KIF14: variants seen among roughly 807,000 people sequenced by gnomAD.
KIF14 encodes the protein kinesin-like protein KIF14.
In KIF14, 98 loss-of-function variants were observed where a neutral mutation model predicts 176.2. That is an observed-to-expected ratio of 0.56 (90% CI 0.47 to 0.66). KIF14 has a LOEUF of 0.66. Ranked by LOEUF, KIF14 falls within the 30% of genes least tolerant of loss-of-function variation. The probability of loss-of-function intolerance (pLI) is 0.00; values close to 1 mark genes in which losing one functional copy is unlikely to be tolerated. For synonymous variants in KIF14, 566 were observed against 632.2 expected, an observed-to-expected ratio of 0.90 and a Z score of 1.57; for missense variants, 1,751 against 1,920.4, an observed-to-expected ratio of 0.91 and a Z score of 1.65.
rs565870125 is a variant in KIF14, at chr1:200,595,840, G to A, written c.2550-2071C>T. On this transcript the variant is annotated intron_variant, in intron 14 of 29. Transcript: ENST00000367350. ...GCTGCTACTCAGGAGGCTGAGGCAC[G>A]AGAATCGCTTGAACCCAGAAGGTGG... is the stretch of plus-strand genomic sequence containing the variant. Among the ~76,000 whole-genome samples, 94 of 147,300 alleles carry A rather than the reference G, an allele frequency of 6.4e-4. 1 individual carries two copies. The South Asian group carries it at 0.019, about 30-fold the overall frequency.
intron 21 of KIF14, among the ~76,000 whole-genome samples, chr1:200,579,423 G>A (rs549258937): frequency 9.2e-5 from 14 of 152,254 alleles, no homozygotes; most frequent in East Asian, 5.8e-4. Flanking sequence ...CCTGGCCAAC[G>A]TGGTGAAAAC....
At chr1:200,577,849 T>C (rs1026231812) in intron 21 of KIF14, among the ~76,000 whole-genome samples, 23 of 152,150 alleles carry the variant, frequency 1.5e-4, no homozygotes, top group Non-Finnish European at 4.4e-5. Context: ...TATTGCTATG[T>C]TCTAGAATAG....
At chr1:200,612,881 C>CTTTTTTTTTTTTT (rs58120760) in intron 4 of KIF14, among the ~76,000 whole-genome samples, 1 of 79,100 alleles carries the variant, frequency 1.3e-5, no homozygotes, top group African/African-American at 4.9e-5. Flanking sequence ...AGTTTATTCT[C>CTTTTTTTTTTTTT]TTTTTTTTTT....
intron 21 of KIF14, among the ~76,000 whole-genome samples, chr1:200,577,722 A>G (rs1007167012): frequency 1.4e-4 from 22 of 152,110 alleles, no homozygotes; most frequent in Non-Finnish European, 2.6e-4. Context: ...AAAGAAAAAA[A>G]AAAAAGAAGA....
At position 200,575,708 on chromosome 1, in the gene KIF14, A is replaced by G; in HGVS notation, c.3466-17T>C. The G allele has an allele frequency of 7.3e-7, 1 of 1,363,286 alleles. No homozygotes were observed. The highest frequency in any genetic ancestry group is 9.9e-7 in the Non-Finnish European group (1 of 1,007,312). The allele number at this position is 1,363,286 out of a possible 1,614,324, so 84.4% of individuals were successfully genotyped here. On this transcript the variant is annotated splice_polypyrimidine_tract_variant and intron_variant, in intron 21 of 29. Coordinates refer to ENST00000367350, the MANE Select transcript of KIF14 (RefSeq NM_014875.3). Reference sequence around the variant, plus strand: ...ACCATTACTCTAAGAAAAATATAATATATAGTTTCAGTAAATTTGGGGTGA... The same window carrying G: ...ACCATTACTCTAAGAAAAATATAATGTATAGTTTCAGTAAATTTGGGGTGA...
At chr1:200,583,622 G>A (rs1658578062) in intron 19 of KIF14, among the ~76,000 whole-genome samples, 2 of 152,080 alleles carry the variant, frequency 1.3e-5, no homozygotes, top group South Asian at 2.1e-4. Flanking sequence ...ACATAGAAAT[G>A]TACCAAAAAA....
At chr1:200,597,209 G>C (rs752797309) in intron 14 of KIF14, among the ~76,000 whole-genome samples, 1 of 151,970 alleles carries the variant, frequency 6.6e-6, no homozygotes, top group African/African-American at 2.4e-5. Context: ...CATAAAAACT[G>C]ACAATCATAA....
chr1:200,575,571 A>C lies in KIF14; in HGVS notation c.3566+20T>G, dbSNP rs1003693867. 2.7e-6 allele frequency: 4 copies of C among 1,468,870 alleles called. No individual in the cohort carries two copies. The highest frequency in any genetic ancestry group is 3.8e-6 in the Non-Finnish European group (4 of 1,064,318). 91.0% of individuals were successfully genotyped at this position (1,468,870 alleles called of 1,614,324 possible). ...TGCACACACAAAGTGCAAGAAAACT[A>C]GTAACAAAATTGTCTTTACCTCCTT... On this transcript the variant is annotated intron_variant, in intron 22 of 29. Transcript: ENST00000367350.
chr1:200,575,729 G>A, intron 21 of KIF14, 38 bp from the exon 22 acceptor site: 1 of 1,231,948 alleles, frequency 8.1e-7, no homozygotes, highest in Non-Finnish European at 1.1e-6. Context: ...GTAAATTTGG[G>A]GTGAAAAAAT....
chr1:200,611,583 G>A (rs1439009056), intron 4 of KIF14, among the ~76,000 whole-genome samples: 4 of 152,140 alleles, frequency 2.6e-5, no homozygotes, highest in African/African-American at 9.7e-5. Flanking sequence ...GAGGCTCCAG[G>A]AGGACTTAGA....
At chr1:200,573,844 G>C (rs1160959994) in intron 22 of KIF14, among the ~76,000 whole-genome samples, 3 of 152,196 alleles carry the variant, frequency 2.0e-5, no homozygotes, top group African/African-American at 7.2e-5. Flanking sequence ...AATGGATTTT[G>C]ATCTGCAGCT....
chr1:200,589,703 A>G (rs1658954726), intron 17 of KIF14, among the ~76,000 whole-genome samples: 1 of 113,528 alleles, frequency 8.8e-6, no homozygotes, highest in African/African-American at 3.5e-5. Flanking sequence ...TTTTTGAGAC[A>G]GAGTCTCACT....
In KIF14 at chr1:200,598,487, C is replaced by A. The variant is rs1396447233; in HGVS notation, c.2365-66G>T. On this transcript the variant is annotated intron_variant, in intron 13 of 29. Transcript: ENST00000367350. The stretch of plus-strand genomic sequence containing the variant: ...ATGAAATTGTTAAATTCACCTAAAA[C>A]AAATGGTCTATATTAAACATTAAAA... 4 of 1,165,610 alleles carry A rather than the reference C, an allele frequency of 3.4e-6. No homozygotes were observed. The African/African-American group carries it at 6.2e-5, about 18-fold the overall frequency. The allele number at this position is 1,165,610 out of a possible 1,614,324, so 72.2% of individuals were successfully genotyped here.
intron 23 of KIF14, among the ~76,000 whole-genome samples, chr1:200,567,049 C>A (rs1657495243): frequency 6.6e-6 from 1 of 151,582 alleles, no homozygotes; most frequent in African/African-American, 2.4e-5. Flanking sequence ...TGGTGGGCGC[C>A]TGTAATTCCA....
At position 200,553,391 on chromosome 1, in the gene KIF14, C is replaced by A. The variant is rs147337582; in HGVS notation, c.4944G>T (p.Val1648=). Residue 1648 remains valine (V), a synonymous_variant, in exon 30 of 30, where the codon GTG becomes GTT. Transcript: ENST00000367350. ...AAAAGTGCCTACACATCAGTATTCA[C>A]ACCCACTGAATCCTACTGGGTGTGC... is the stretch of plus-strand genomic sequence containing the variant. ...EECTPSRIQW[V] 329 of 1,600,254 alleles carry A rather than the reference C, an allele frequency of 2.1e-4. 1 individual carries two copies. Among genetic ancestry groups the A allele is most frequent in the Admixed American group, 2.8e-4 (16 of 57,354 alleles).
At chr1:200,562,431 T>G (rs1657215070) in intron 25 of KIF14, among the ~76,000 whole-genome samples, 1 of 152,246 alleles carries the variant, frequency 6.6e-6, no homozygotes, top group African/African-American at 2.4e-5. Context: ...TCCAGCTTTA[T>G]TTTCCTGTGA....
In KIF14 at chr1:200,592,986, C is replaced by G. The variant is rs1659131302; in HGVS notation, c.2652+681G>C. Among the ~76,000 whole-genome samples, 7 of 152,266 alleles carry G rather than the reference C, an allele frequency of 4.6e-5. No individual in the cohort carries two copies. The South Asian group carries it at 1.5e-3, about 32-fold the overall frequency. On this transcript the variant is annotated intron_variant, in intron 15 of 29. Coordinates refer to ENST00000367350, the MANE Select transcript of KIF14 (RefSeq NM_014875.3). ...GGGACCACTGTTACATATGTGGTCC[C>G]TCATTGCCCAAAACATCATTATGAA...
intron 15 of KIF14, 139 bp from the exon 16 acceptor site, chr1:200,592,379 C>CA: frequency 6.2e-6 from 4 of 647,392 alleles, no homozygotes; most frequent in Non-Finnish European, 9.9e-6. Context: ...ACATTTATTA[C>CA]TTTTTTTTTC....
intron 3 of KIF14, among the ~76,000 whole-genome samples, chr1:200,614,747 T>C (rs958861942): frequency 1.5e-5 from 2 of 134,306 alleles, no homozygotes; most frequent in African/African-American, 5.7e-5. Context: ...CGCTGTGGAC[T>C]GTGGAAGCTC....
Sources: allele counts gnomAD v4.1 joint callset (sites outside exome capture counted in the v4.1 genomes callset), GRCh38; gene constraint gnomAD v4.1.1; transcripts MANE v1.5; gene names NCBI Gene and HGNC (gene_info 2026-07-23, HGNC 2026-07-21).